The following SLC17A6 variants were observed in gnomAD, a reference collection of about 807,000 sequenced individuals.
SLC17A6 encodes vesicular glutamate transporter 2.
Under a neutral mutation model 67.1 loss-of-function variants are expected in SLC17A6, and 35 were observed. The ratio of observed to expected loss-of-function variants is 0.52; its 90% CI spans 0.40 to 0.69. The LOEUF (loss-of-function observed/expected upper bound fraction) is 0.69. SLC17A6 is among the 30% of genes least tolerant of loss of function. SLC17A6 has a pLI of 0.00. For missense variants in SLC17A6, 588 were observed against 723.9 expected, an observed-to-expected ratio of 0.81 and a Z score of 2.15; for synonymous variants, 285 against 252.3, an observed-to-expected ratio of 1.13 and a Z score of -1.23.
Position 22,374,735 on chromosome 11 carries a change from C to T in SLC17A6, c.1042-20C>T. ...TATTTATGGTTATGTCTATTTCTCT[C>T]CCTTCTTGTTTTTCATCAGGTTGGT... On this transcript the variant is annotated intron_variant, in intron 8 of 11. Coordinates refer to ENST00000263160, the MANE Select transcript of SLC17A6 (RefSeq NM_020346.3). 1 of 1,572,046 alleles carries T rather than the reference C, an allele frequency of 6.4e-7. No homozygotes were observed. Among genetic ancestry groups the T allele is most frequent in the Non-Finnish European group, 8.6e-7 (1 of 1,161,018 alleles).
intron 7 of SLC17A6, among the ~76,000 whole-genome samples, chr11:22,366,157 C>T (rs889376369): frequency 1.3e-5 from 2 of 152,088 alleles, no homozygotes; most frequent in South Asian, 2.1e-4. Context: ...TACATACATA[C>T]CTATGATAAA....
rs917121765 is a variant in SLC17A6, at chr11:22,365,676, T to C, written c.878T>C (p.Leu293Ser). 1.9e-6 allele frequency: 3 copies of C among 1,613,450 alleles called. No individual in the cohort carries two copies. Among genetic ancestry groups the C allele is most frequent in the Admixed American group, 3.3e-5 (2 of 59,900 alleles). Residue 293 changes from leucine to serine, a missense_variant, in exon 7 of 12, where the codon TTA (leucine) becomes TCA (serine). Physicochemically the swap from Leu to Ser is moderately radical, Grantham distance 145. Around this residue, in one of 4 missense-constraint regions of SLC17A6, gnomAD observed 414 missense variants for 563.4 expected, o/e 0.73. Coordinates refer to ENST00000263160, the MANE Select transcript of SLC17A6 (RefSeq NM_020346.3). Reference sequence around the variant, plus strand: ...AGCATTGGAGAGAGTGCAAATCTTTTAGGTGCAATGGAAGTAAGAAATTTA... The same window carrying C: ...AGCATTGGAGAGAGTGCAAATCTTTCAGGTGCAATGGAAGTAAGAAATTTA... ...EESIGESANLLGAMEKFKTPW... is the reference protein window; with the variant it reads ...EESIGESANLSGAMEKFKTPW...
chr11:22,351,405 T>C (rs796684860), intron 3 of SLC17A6, among the ~76,000 whole-genome samples: 56 of 152,208 alleles, frequency 3.7e-4, no homozygotes, highest in African/African-American at 1.3e-3. Flanking sequence ...TCTCACACTC[T>C]TCTCTTTTGG....
intron 3 of SLC17A6, among the ~76,000 whole-genome samples, chr11:22,356,113 A>T (rs1242408241): frequency 6.6e-6 from 1 of 152,158 alleles, no homozygotes; most frequent in African/African-American, 2.4e-5. Context: ...ACTTTGTTTC[A>T]ATTTCCTTAT....
At chr11:22,369,946 A>G (rs1856157140) in intron 7 of SLC17A6, 93 bp from the exon 8 acceptor site, 1 of 1,218,498 alleles carries the variant, frequency 8.2e-7, no homozygotes, top group African/African-American at 1.5e-5. Flanking sequence ...ATGACCTGTC[A>G]TATACATCCT....
intron 3 of SLC17A6, among the ~76,000 whole-genome samples, chr11:22,354,708 G>C (rs1444315405): frequency 6.6e-6 from 1 of 152,178 alleles, no homozygotes; most frequent in Non-Finnish European, 1.5e-5. Context: ...ATCTACAACA[G>C]ATAAGTAATG....
Position 22,343,358 on chromosome 11 carries a change from G to C in SLC17A6, c.451G>C (p.Ala151Pro), listed in dbSNP as rs749822985. Residue 151 changes from alanine to proline, a missense_variant, in exon 3 of 12, where the codon GCC becomes CCC. Ala to Pro is a conservative substitution (Grantham distance 27, BLOSUM62 -1). This residue lies in a region of SLC17A6 where 414 missense variants were observed against 563.4 expected (regional missense o/e 0.73). Coordinates refer to ENST00000263160, the MANE Select transcript of SLC17A6 (RefSeq NM_020346.3). Reference sequence around the variant, plus strand: ...AGGCTACATCGCGTCTCGGCTGGCAGCCAACAGGTAATGCGCCAGGCGGGA... The same window carrying C: ...AGGCTACATCGCGTCTCGGCTGGCACCCAACAGGTAATGCGCCAGGCGGGA... ...PGGYIASRLA[A>P]NRVFGAAILL... 6.2e-7 allele frequency: 1 copy of C among 1,609,718 alleles called. No individual in the cohort carries two copies. Among genetic ancestry groups the C allele is most frequent in the Admixed American group, 1.7e-5 (1 of 58,852 alleles).
intron 6 of SLC17A6, among the ~76,000 whole-genome samples, chr11:22,364,802 C>T (rs1005525693): frequency 2.0e-5 from 3 of 151,916 alleles, no homozygotes; most frequent in Non-Finnish European, 4.4e-5. Flanking sequence ...AGATTTATAT[C>T]GCACAAAAAG....
chr11:22,341,399 A>G, intron 1 of SLC17A6, 129 bp from the exon 2 acceptor site: 1 of 1,346,860 alleles, frequency 7.4e-7, no homozygotes. Flanking sequence ...CACCACCCTA[A>G]TCCCCGAGGG....
chr11:22,376,773 T>A, intron 11 of SLC17A6, 101 bp downstream of exon 11: 1 of 1,256,510 alleles, frequency 8.0e-7, no homozygotes, highest in Non-Finnish European at 1.1e-6. Flanking sequence ...ATTTTCTTTC[T>A]TGTCCAGTCA....
At chr11:22,374,346 T>C (rs917532655) in intron 8 of SLC17A6, among the ~76,000 whole-genome samples, 2 of 152,178 alleles carry the variant, frequency 1.3e-5, no homozygotes, top group South Asian at 2.1e-4. Flanking sequence ...TATGCATTTT[T>C]CCCATATGAA....
At chr11:22,338,783 C>A (rs1302685692) in intron 1 of SLC17A6, among the ~76,000 whole-genome samples, 164 bp downstream of exon 1, 4 of 149,216 alleles carry the variant, frequency 2.7e-5, no homozygotes, top group African/African-American at 1.0e-4. Flanking sequence ...CTTATTAATG[C>A]AGGAATGTTG....
In SLC17A6 at chr11:22,341,800, C is replaced by T. The variant is rs2133857476; in HGVS notation, c.339+20C>T. 6.2e-7 allele frequency: 1 copy of T among 1,611,848 alleles called. No individual in the cohort carries two copies. Among genetic ancestry groups the T allele is most frequent in the Non-Finnish European group, 8.5e-7 (1 of 1,178,630 alleles). ...AAGGAGGTGGGCAACGTCTGGCCGC[C>T]CTGGCTCCTGCCCTTCGGCCATGCG... On this transcript the variant is annotated intron_variant, in intron 2 of 11. Transcript: ENST00000263160.
At chr11:22,372,444 AT>A (rs1004166769) in intron 8 of SLC17A6, among the ~76,000 whole-genome samples, 14 of 151,610 alleles carry the variant, frequency 9.2e-5, no homozygotes, top group Non-Finnish European at 1.8e-4. Context: ...TATGTAACAT[AT>A]TCAGGCCCTT....
intron 3 of SLC17A6, among the ~76,000 whole-genome samples, chr11:22,344,838 A>T (rs992020605): frequency 6.6e-6 from 1 of 152,184 alleles, no homozygotes; most frequent in African/African-American, 2.4e-5. Context: ...GATTATGAGC[A>T]TGTTATATTT....
chr11:22,369,174 T>C (rs1199612576), intron 7 of SLC17A6, among the ~76,000 whole-genome samples: 3 of 151,992 alleles, frequency 2.0e-5, no homozygotes, highest in Non-Finnish European at 4.4e-5. Context: ...AATAAAGTAA[T>C]TGAGAAATAA....
At chr11:22,349,060 G>GCA (rs147808108) in intron 3 of SLC17A6, among the ~76,000 whole-genome samples, 70 of 150,572 alleles carry the variant, frequency 4.6e-4, no homozygotes, top group Non-Finnish European at 7.1e-4. Context: ...ACACACACAT[G>GCA]CACACACACA....
At chr11:22,358,149 A>G (rs1239307504) in intron 3 of SLC17A6, among the ~76,000 whole-genome samples, 1 of 152,212 alleles carries the variant, frequency 6.6e-6, no homozygotes, top group African/African-American at 2.4e-5. Flanking sequence ...GAGGCAACCA[A>G]CATTGACTGA....
rs1227653354 is a variant in SLC17A6 at position 22,378,658 on chromosome 11, T to C, written c.*918T>C. The stretch of plus-strand genomic sequence containing the variant: ...ATATTAAGAACAAAGAAATAGAAAA[T>C]GGTTTAGATATCTTTCTTCCTTCAT... On this transcript the variant is annotated 3_prime_UTR_variant, in exon 12 of 12. Coordinates refer to ENST00000263160, the MANE Select transcript of SLC17A6 (RefSeq NM_020346.3). 6.6e-6 allele frequency: 1 copy of C among 152,300 alleles called. No homozygotes were observed. Among genetic ancestry groups the C allele is most frequent in the Non-Finnish European group, 1.5e-5 (1 of 67,926 alleles). The allele number at this position is 152,300 out of a possible 1,614,324, so 9.4% of individuals were successfully genotyped here. A position where few individuals can be genotyped will look rare whatever the true frequency, so the allele number is the denominator to read the frequency against.
Sources: gnomAD v4.1 joint callset for allele counts (sites outside exome capture counted in the v4.1 genomes callset) on GRCh38, gnomAD v4.1.1 for gene constraint, gnomAD v4.1.1 regional missense constraint, MANE v1.5 for transcripts, NCBI Gene and HGNC (gene_info 2026-07-23, HGNC 2026-07-21) for gene names.